Variants in PRKCZ observed in about 807,000 individuals in gnomAD.
The protein encoded by PRKCZ is protein kinase C zeta type.
In PRKCZ, 33 loss-of-function variants were observed where a neutral mutation model predicts 79.5. The ratio of observed to expected loss-of-function variants is 0.41; its 90% CI spans 0.31 to 0.55. The LOEUF is 0.55. Ranked by LOEUF, PRKCZ falls within the 20% of genes least tolerant of loss-of-function variation. The pLI, the probability that PRKCZ is intolerant of heterozygous loss-of-function variation, is 0.19. For synonymous variants in PRKCZ, 342 were observed against 320.9 expected, an observed-to-expected ratio of 1.07 and a Z score of -0.70; for missense variants, 578 against 813.5, an observed-to-expected ratio of 0.71 and a Z score of 3.52.
chr1:2,179,971 C>T (rs1686232688), intron 16 of PRKCZ, among the ~76,000 whole-genome samples: 3 of 152,036 alleles, frequency 2.0e-5, no homozygotes, highest in South Asian at 4.2e-4. Context: ...GTCTGGGCAG[C>T]GGGTGGGAGC....
chr1:2,110,744 G>A (rs1402292069), intron 4 of PRKCZ, among the ~76,000 whole-genome samples: 1 of 151,962 alleles, frequency 6.6e-6, no homozygotes, highest in Middle Eastern at 3.2e-3. Context: ...GCTGGGTCCT[G>A]AGAGAGCTGG....
rs1386280407 is a variant in PRKCZ, at chr1:2,082,825, G to A, written c.334+23234G>A. ...CACTCCGGATGTAGTAGCAGGGAGA[G>A]GGTGGAGGGGCGGCCAAGGGCGTGA... On this transcript the variant is annotated intron_variant, in intron 4 of 17. Transcript: ENST00000378567. This position sits in a 1 kb window ranked among gnomAD's most constrained non-coding sequence, Gnocchi z 4.4. 6.6e-6 allele frequency among the ~76,000 whole-genome samples: 1 copy of A among 151,966 alleles called. No individual in the cohort carries two copies. Among genetic ancestry groups the A allele is most frequent in the Admixed American group, 6.5e-5 (1 of 15,272 alleles).
intron 4 of PRKCZ, among the ~76,000 whole-genome samples, chr1:2,060,885 G>A (rs139654675): frequency 6.6e-6 from 1 of 152,226 alleles, no homozygotes; most frequent in African/African-American, 2.4e-5. Context: ...CTACGCAGCT[G>A]CCCTGGTGGT....
intron 3 of PRKCZ, among the ~76,000 whole-genome samples, chr1:2,058,728 T>C (rs1660411746): frequency 6.6e-6 from 1 of 151,644 alleles, no homozygotes; most frequent in Non-Finnish European, 1.5e-5. Flanking sequence ...AAACCCCATC[T>C]CTACTATAAA....
In PRKCZ at chr1:2,165,999, G is replaced by T. The variant is rs1683247979; in HGVS notation, c.975-3519G>T. Among the ~76,000 whole-genome samples, 1 of 152,232 alleles carries T rather than the reference G, an allele frequency of 6.6e-6. No individual in the cohort carries two copies. Among genetic ancestry groups the T allele is most frequent in the Non-Finnish European group, 1.5e-5 (1 of 68,038 alleles). On this transcript the variant is annotated intron_variant, in intron 10 of 17. Transcript: ENST00000378567. The surrounding 1 kb of genome is among the most constrained non-coding windows in gnomAD (Gnocchi z 4.1). ...TGTCTGTTGGATGGTGCCGGTTCCAGGGCAGGGTCAGGGACTGGATCCGGC... is the reference window on the plus strand; with the variant it reads ...TGTCTGTTGGATGGTGCCGGTTCCATGGCAGGGTCAGGGACTGGATCCGGC...
At chr1:2,090,918 G>C (rs921166635) in intron 4 of PRKCZ, among the ~76,000 whole-genome samples, 1 of 152,232 alleles carries the variant, frequency 6.6e-6, no homozygotes. Context: ...TTGACATTAT[G>C]ATCTAAGCAG....
rs55826613 is a variant in PRKCZ, at chr1:2,061,394, A to G, written c.334+1803A>G. Among the ~76,000 whole-genome samples, 390 of 123,730 alleles carry G rather than the reference A, an allele frequency of 3.2e-3. 1 individual carries two copies. The highest frequency in any genetic ancestry group is 6.5e-3 in the Admixed American group (76 of 11,726). The allele number at this position is 123,730 out of a possible 152,430, so 81.2% of individuals were successfully genotyped here. A position where few individuals can be genotyped will look rare whatever the true frequency, so the allele number is the denominator to read the frequency against. On this transcript the variant is annotated intron_variant, in intron 4 of 17. Coordinates refer to ENST00000378567, the MANE Select transcript of PRKCZ (RefSeq NM_002744.6). ...AGGCCCGCATTTGCTCGGCCACTGC[A>G]GTGGAGGAAGGGGAGGTTGGGGGGT...
chr1:2,053,731 G>A (rs35020387), intron 1 of PRKCZ, among the ~76,000 whole-genome samples: 42,938 of 152,052 alleles, frequency 0.28, 7,300 homozygotes, highest in Middle Eastern at 0.41. Flanking sequence ...AGTGATGGCC[G>A]ACTCCCACTC....
intron 7 of PRKCZ, among the ~76,000 whole-genome samples, chr1:2,148,139 T>C (rs1241324643): frequency 6.7e-6 from 1 of 149,846 alleles, no homozygotes; most frequent in Admixed American, 6.6e-5. Flanking sequence ...TCTCCATCTA[T>C]CCATCTGTCT....
At chr1:2,097,058 G>T (rs1666651670) in intron 4 of PRKCZ, among the ~76,000 whole-genome samples, 1 of 152,228 alleles carries the variant, frequency 6.6e-6, no homozygotes, top group Admixed American at 6.5e-5. Context: ...TCAGGCCACA[G>T]ACTCCGACTC....
chr1:2,115,234 C>T (rs553964195), intron 4 of PRKCZ, among the ~76,000 whole-genome samples: 80 of 152,374 alleles, frequency 5.3e-4, no homozygotes, highest in African/African-American at 1.9e-3. Flanking sequence ...GTCCCCACTG[C>T]GGGGCTGCTC....
intron 4 of PRKCZ, among the ~76,000 whole-genome samples, chr1:2,096,528 G>A (rs975306948): frequency 5.3e-5 from 8 of 152,288 alleles, no homozygotes; most frequent in Admixed American, 4.6e-4. Flanking sequence ...GCGTGTCCTC[G>A]GTGGGCGCTC....
chr1:2,132,046 T>C (rs889635730), intron 4 of PRKCZ, among the ~76,000 whole-genome samples: 4 of 152,156 alleles, frequency 2.6e-5, no homozygotes, highest in African/African-American at 7.2e-5. Context: ...CTCCTGACCT[T>C]GTGATCTGCC....
At chr1:2,150,116 C>A (rs1330632522) in intron 8 of PRKCZ, among the ~76,000 whole-genome samples, 4 of 144,428 alleles carry the variant, frequency 2.8e-5, no homozygotes, top group African/African-American at 7.9e-5. Flanking sequence ...GAGTCGAGAT[C>A]GTGCCACTGC....
rs747847687 is a variant in PRKCZ, at chr1:2,135,248, C to T, written c.335-14C>T. ...CCACGCTGTTTCTTTACACCTTTCT[C>T]ATATCCTTTCCAGAATCTATCTACC... is the stretch of plus-strand genomic sequence containing the variant. On this transcript the variant is annotated splice_polypyrimidine_tract_variant and intron_variant, in intron 4 of 17. Coordinates refer to ENST00000378567, the MANE Select transcript of PRKCZ (RefSeq NM_002744.6). The T allele has an allele frequency of 6.2e-7, 1 of 1,607,546 alleles. No individual in the cohort carries two copies. Among genetic ancestry groups the T allele is most frequent in the Non-Finnish European group, 8.5e-7 (1 of 1,175,354 alleles).
intron 4 of PRKCZ, among the ~76,000 whole-genome samples, chr1:2,126,021 G>T (rs1673806236): frequency 6.6e-6 from 1 of 152,124 alleles, no homozygotes; most frequent in South Asian, 2.1e-4. Context: ...CCCCTGTCCT[G>T]AAGGCTGTCG....
intron 9 of PRKCZ, among the ~76,000 whole-genome samples, chr1:2,155,529 G>A (rs547146145): frequency 6.6e-6 from 1 of 151,672 alleles, no homozygotes; most frequent in East Asian, 1.9e-4. Flanking sequence ...GGTAGATGGT[G>A]CCAATGGTGA....
In PRKCZ at chr1:2,168,257, G is replaced by A. The variant is rs534715863; in HGVS notation, c.975-1261G>A. ...GAAAATAGATGCACCAGTGAGCATA[G>A]CCTCGTTCCAATAAAACTTTATTTA... On this transcript the variant is annotated intron_variant, in intron 10 of 17. Transcript: ENST00000378567. This position sits in a 1 kb window ranked among gnomAD's most constrained non-coding sequence, Gnocchi z 4.7. Among the ~76,000 whole-genome samples the A allele has an allele frequency of 2.7e-4, 41 of 152,300 alleles. No homozygotes were observed. The highest frequency in any genetic ancestry group is 9.4e-4 in the African/African-American group (39 of 41,550).
At position 2,185,215 on chromosome 1, in the gene PRKCZ, T is replaced by C. The variant is rs1357957335; in HGVS notation, c.*206T>C. On this transcript the variant is annotated 3_prime_UTR_variant, in exon 18 of 18. Transcript: ENST00000378567. ...GGGCCCGGGCAGGCCAGCTTCGTGC[T>C]GGAGGAACTTGCTGCTGTGCCTGCG... The C allele has an allele frequency of 1.4e-5, 10 of 706,704 alleles. No individual in the cohort carries two copies. Among genetic ancestry groups the C allele is most frequent in the Non-Finnish European group, 2.3e-5 (9 of 383,064 alleles). 43.8% of individuals were successfully genotyped at this position (706,704 alleles called of 1,614,324 possible).
Sources: allele counts gnomAD v4.1 joint callset (sites outside exome capture counted in the v4.1 genomes callset), GRCh38; gene constraint gnomAD v4.1.1; non-coding constraint Gnocchi (gnomAD v3.1); transcripts MANE v1.5; gene names NCBI Gene and HGNC (gene_info 2026-07-23, HGNC 2026-07-21).